The following HECTD4 variants were observed in gnomAD, a reference collection of about 807,000 sequenced individuals.
HECTD4 encodes HECT domain E3 ubiquitin protein ligase 4.
A neutral mutation model predicts 471.5 loss-of-function variants in HECTD4; 114 were observed. That is an observed-to-expected ratio of 0.24 (90% CI 0.21 to 0.28). HECTD4 has a LOEUF of 0.28. Among genes scored for constraint, HECTD4 ranks in the 10% least tolerant of loss-of-function variants. The probability of loss-of-function intolerance (pLI) is 1.00; values close to 1 mark genes in which losing one functional copy is unlikely to be tolerated. For missense variants in HECTD4, 3,866 were observed against 5,651.5 expected (o/e 0.68, Z 10.13); for synonymous variants, 2,012 against 2,256.0 (o/e 0.89, Z 3.07).
chr12:112,184,226 G>C lies in HECTD4; in HGVS notation c.10740C>G (p.Pro3580=), dbSNP rs1049686050. 2.5e-6 allele frequency: 4 copies of C among 1,613,194 alleles called. No individual in the cohort carries two copies. Among genetic ancestry groups the C allele is most frequent in the Non-Finnish European group, 3.4e-6 (4 of 1,179,670 alleles). ...MYTVTSLDNQ[P]LAARPIKGFA... ...AGCCTTTGATGGGGCGGGCGGCGAG[G>C]GGCTGGTTGTCCAGGGAAGTGACTG... is the stretch of plus-strand genomic sequence containing the variant. The change falls in exon 61 of 76, where the codon CCC becomes CCG. Residue 3580 remains proline (P), a synonymous_variant. Transcript: ENST00000682272. This position sits in a 1 kb window ranked among gnomAD's most constrained non-coding sequence, Gnocchi z 9.1.
chr12:112,196,304 G>T (rs1456092898), intron 55 of HECTD4, among the ~76,000 whole-genome samples: 1 of 152,204 alleles, frequency 6.6e-6, no homozygotes, highest in African/African-American at 2.4e-5. Flanking sequence ...GAGTGTATGT[G>T]TGAAGTGAAG....
At chr12:112,227,306 A>G (rs891875452) in intron 43 of HECTD4, among the ~76,000 whole-genome samples, 2 of 152,044 alleles carry the variant, frequency 1.3e-5, no homozygotes, top group Admixed American at 6.5e-5. Context: ...CTAAAAATAT[A>G]AAAATTAGCC....
At chr12:112,233,150 C>T (rs1443842139) in intron 37 of HECTD4, 65 bp from the exon 38 acceptor site, 4 of 1,297,638 alleles carry the variant, frequency 3.1e-6, no homozygotes, top group Non-Finnish European at 4.4e-6. Flanking sequence ...GGCTGCATGC[C>T]ATGGGGTCAC....
At chr12:112,309,251 C>T (rs914928983) in intron 5 of HECTD4, among the ~76,000 whole-genome samples, 8 of 152,112 alleles carry the variant, frequency 5.3e-5, no homozygotes, top group South Asian at 2.1e-4. Flanking sequence ...GAAAAATGTC[C>T]ACTTATTAAC....
intron 59 of HECTD4, among the ~76,000 whole-genome samples, chr12:112,192,114 G>C (rs914199056): frequency 6.6e-6 from 1 of 152,238 alleles, no homozygotes; most frequent in East Asian, 1.9e-4. Flanking sequence ...ATGCCCAGGA[G>C]ATGAGAGCAA....
chr12:112,376,422 A>G lies in HECTD4; in HGVS notation c.177+5530T>C, dbSNP rs560289648. ...CCACCACGCCCGGCTAATTTTTTGT[A>G]TTTTTAGTAGAGACGGGGTTTCACC... On this transcript the variant is annotated intron_variant, in intron 1 of 75. Transcript: ENST00000682272. Among the ~76,000 whole-genome samples the G allele has an allele frequency of 2.6e-5, 4 of 151,298 alleles. No homozygotes were observed. The South Asian group carries it at 8.4e-4, about 32-fold the overall frequency.
chr12:112,346,525 T>C (rs541517768), intron 1 of HECTD4, among the ~76,000 whole-genome samples: 5 of 152,334 alleles, frequency 3.3e-5, no homozygotes, highest in Middle Eastern at 3.4e-3. Context: ...CTGGCTCTCA[T>C]TGCAAGATGA....
At position 112,184,489 on chromosome 12, in the gene HECTD4, A is replaced by G; in HGVS notation, c.10477T>C (p.Ser3493Pro). The stretch of plus-strand genomic sequence containing the variant: ...GAGATGCCCTGCGAGCTGCAGATGG[A>G]GGCCTGGCTGGTGGAGGCGGAGGCG... ...ISASASTSQA[S>P]ICSSQGISQT... Residue 3493 changes from serine to proline, a missense_variant, in exon 61 of 76, where the codon TCC becomes CCC. Coordinates refer to ENST00000682272, the MANE Select transcript of HECTD4 (RefSeq NM_001388303.1). The surrounding 1 kb of genome is among the most constrained non-coding windows in gnomAD (Gnocchi z 9.1). 1 of 1,607,864 alleles carries G rather than the reference A, an allele frequency of 6.2e-7. No individual in the cohort carries two copies.
At chr12:112,360,882 G>A (rs2036435645) in intron 1 of HECTD4, among the ~76,000 whole-genome samples, 1 of 151,906 alleles carries the variant, frequency 6.6e-6, no homozygotes, top group African/African-American at 2.4e-5. Context: ...TACTTGGGAG[G>A]CTGAGGCAGG....
In HECTD4 at chr12:112,216,299, G is replaced by A. The variant is rs1369939099; in HGVS notation, c.7458C>T (p.Leu2486=). Residue 2486 remains leucine, a synonymous_variant, in exon 48 of 76, where the codon CTC becomes CTT. Transcript: ENST00000682272. ...AGCTCCCACTGCACTCACCGGGGGA[G>A]AGAGTCACGTCTAAGCGAACGCTCT... ...QWKSVRLDVT[L]SPGDVAGIGW... The A allele has an allele frequency of 1.3e-6, 2 of 1,552,204 alleles. No individual in the cohort carries two copies. The highest frequency in any genetic ancestry group is 1.7e-6 in the Non-Finnish European group (2 of 1,146,360).
chr12:112,308,670 T>C, intron 6 of HECTD4, 83 bp downstream of exon 6: 2 of 1,223,612 alleles, frequency 1.6e-6, no homozygotes, highest in South Asian at 1.5e-5. Flanking sequence ...ATATCAACTG[T>C]ATTATTATTA....
intron 44 of HECTD4, among the ~76,000 whole-genome samples, chr12:112,226,237 A>T (rs1318662468): frequency 6.6e-6 from 1 of 152,094 alleles, no homozygotes; most frequent in Non-Finnish European, 1.5e-5. Flanking sequence ...ACACACTCAC[A>T]CACACACATG....
intron 8 of HECTD4, among the ~76,000 whole-genome samples, chr12:112,282,135 G>A (rs2034656994): frequency 4.6e-5 from 7 of 152,150 alleles, no homozygotes; most frequent in Admixed American, 4.6e-4. Flanking sequence ...TGTAATCCCA[G>A]CACTTTGGGA....
Position 112,228,805 on chromosome 12 carries a change from C to T in HECTD4, c.6526G>A (p.Gly2176Ser). ...IKIGSEVQVL[G>S]RGISGSIGVV... is the part of the protein sequence containing the mutation. ...CCAATGCTTCCTGAAATTCCTCTAC[C>T]TAAAACCTGGAGACAGACATAGATT... The change falls in exon 42 of 76, where the codon GGT becomes AGT. Residue 2176 changes from glycine (G) to serine (S), a missense_variant. Gly to Ser is a moderately conservative substitution (Grantham distance 56). Transcript: ENST00000682272. This position sits in a 1 kb window ranked among gnomAD's most constrained non-coding sequence, Gnocchi z 4.9. 1 of 1,613,612 alleles carries T rather than the reference C, an allele frequency of 6.2e-7. No homozygotes were observed. The highest frequency in any genetic ancestry group is 8.5e-7 in the Non-Finnish European group (1 of 1,179,796).
intron 7 of HECTD4, among the ~76,000 whole-genome samples, chr12:112,290,037 C>T (rs985698425): frequency 3.3e-5 from 5 of 152,038 alleles, no homozygotes; most frequent in African/African-American, 1.2e-4. Flanking sequence ...TTAAAGAAGT[C>T]AGGCCAGGCA....
At chr12:112,164,300 C>G in intron 72 of HECTD4, 25 bp from the exon 73 acceptor site, 1 of 1,601,112 alleles carries the variant, frequency 6.2e-7, no homozygotes, top group Non-Finnish European at 8.5e-7. Flanking sequence ...CAGAGCGAGG[C>G]TCATTATGAG....
rs1217777328 is a variant in HECTD4 at position 112,184,577 on chromosome 12, G to A, written c.10389C>T (p.Phe3463=). The change falls in exon 61 of 76, where the codon TTC becomes TTT. Residue 3463 remains phenylalanine, a synonymous_variant. Transcript: ENST00000682272. This position sits in a 1 kb window ranked among gnomAD's most constrained non-coding sequence, Gnocchi z 9.1. ...TGACCTCCATGCTGTCTGTGCCGGG[G>A]AAGGCCAGTGTCTTCTCGGGCTCAA... is the stretch of plus-strand genomic sequence containing the variant. ...GKVEPEKTLA[F]PGTDSMEVST... 6.2e-7 allele frequency: 1 copy of A among 1,613,748 alleles called. No individual in the cohort carries two copies. The highest frequency in any genetic ancestry group is 1.7e-5 in the Admixed American group (1 of 60,030).
In HECTD4 at chr12:112,190,923, A is replaced by T; in HGVS notation, c.9335T>A (p.Leu3112Gln). The T allele has an allele frequency of 1.9e-6, 3 of 1,568,884 alleles. No homozygotes were observed. Among genetic ancestry groups the T allele is most frequent in the Non-Finnish European group, 2.6e-6 (3 of 1,157,114 alleles). The change falls in exon 60 of 76, where the codon CTG becomes CAG. Residue 3112 changes from leucine (L) to glutamine (Q), a missense_variant. Leu to Gln is a moderately radical substitution (Grantham distance 113). Coordinates refer to ENST00000682272, the MANE Select transcript of HECTD4 (RefSeq NM_001388303.1). ...PPGAVLVLHS[L>Q]PLEFPLAMAF... ...CATAGCCAGTGGGAACTCCAGGGGC[A>T]GGGAATGTAACACCAGGACTGCTCC...
At chr12:112,242,383 C>A (rs1332187131) in intron 32 of HECTD4, among the ~76,000 whole-genome samples, 2 of 151,684 alleles carry the variant, frequency 1.3e-5, no homozygotes, top group Non-Finnish European at 2.9e-5. Flanking sequence ...GAGACTGAGA[C>A]AGGAGGATCC....
Sources: gnomAD v4.1 joint callset for allele counts (sites outside exome capture counted in the v4.1 genomes callset) on GRCh38, gnomAD v4.1.1 for gene constraint, Gnocchi (gnomAD v3.1) non-coding constraint, MANE v1.5 for transcripts, NCBI Gene and HGNC (gene_info 2026-07-23, HGNC 2026-07-21) for gene names.